Variants in VPS8 observed in about 807,000 individuals in gnomAD.
The protein encoded by VPS8 is VPS8 subunit of CORVET complex.
A neutral mutation model predicts 216.4 loss-of-function variants in VPS8; 129 were observed. The ratio of observed to expected loss-of-function variants is 0.60; its 90% CI spans 0.52 to 0.69. The LOEUF (loss-of-function observed/expected upper bound fraction) is 0.69. Among genes scored for constraint, VPS8 ranks in the 30% least tolerant of loss-of-function variants. The probability of loss-of-function intolerance (pLI) is 0.00; values close to 1 mark genes in which losing one functional copy is unlikely to be tolerated. For synonymous variants in VPS8, 571 were observed against 565.4 expected, an observed-to-expected ratio of 1.01 and a Z score of -0.14; for missense variants, 1,531 against 1,683.5, an observed-to-expected ratio of 0.91 and a Z score of 1.59.
intron 42 of VPS8, among the ~76,000 whole-genome samples, chr3:184,990,356 C>T (rs918125850): frequency 4.6e-5 from 7 of 152,158 alleles, no homozygotes; most frequent in Non-Finnish European, 8.8e-5. Context: ...ACCCCCGAGG[C>T]TGTGAGTTTT....
At chr3:184,823,327 T>A (rs1231201282) in intron 1 of VPS8, among the ~76,000 whole-genome samples, 1 of 152,286 alleles carries the variant, frequency 6.6e-6, no homozygotes, top group East Asian at 1.9e-4. Context: ...ACGTTGACAA[T>A]ATAGTGAGAC....
intron 21 of VPS8, among the ~76,000 whole-genome samples, chr3:184,873,603 C>T (rs1391987300): frequency 1.3e-5 from 2 of 152,254 alleles, no homozygotes; most frequent in Non-Finnish European, 2.9e-5. Flanking sequence ...TGAATTCAAG[C>T]AGTGGGCTTC....
At chr3:184,964,595 C>G (rs1380853310) in intron 38 of VPS8, 38 bp downstream of exon 38, 2 of 1,265,170 alleles carry the variant, frequency 1.6e-6, no homozygotes, top group East Asian at 5.4e-5. Context: ...ATATTTCTGT[C>G]TATTCCTCTA....
Position 184,832,883 on chromosome 3 carries a change from A to C in VPS8, c.353+64A>C. On this transcript the variant is annotated intron_variant, in intron 4 of 47. Transcript: ENST00000625842. ...GTATTCAATTGTTTCAAATGTAAAT[A>C]TTGTACTTTTTAAAGTACAATATGG... The C allele has an allele frequency of 1.9e-6, 3 of 1,542,998 alleles. No homozygotes were observed. In the South Asian group the frequency reaches 3.6e-5, roughly 18 times the overall value.
intron 45 of VPS8, among the ~76,000 whole-genome samples, chr3:185,004,890 T>G (rs1002294181): frequency 6.7e-5 from 10 of 149,020 alleles, no homozygotes; most frequent in South Asian, 2.2e-4. Flanking sequence ...ATTTATTTGG[T>G]TTTTTTTGTT....
chr3:185,041,265 A>G (rs1269107860), intron 46 of VPS8, among the ~76,000 whole-genome samples: 2 of 151,904 alleles, frequency 1.3e-5, no homozygotes, highest in African/African-American at 4.8e-5. Context: ...AGACTTAGCT[A>G]ACATCATTTA....
intron 1 of VPS8, among the ~76,000 whole-genome samples, chr3:184,818,814 A>G (rs1284282033): frequency 6.6e-6 from 1 of 152,202 alleles, no homozygotes; most frequent in Non-Finnish European, 1.5e-5. Flanking sequence ...AAAGAATGTC[A>G]GGATTAAACA....
intron 29 of VPS8, among the ~76,000 whole-genome samples, chr3:184,924,635 C>T (rs1370626678): frequency 5.9e-5 from 9 of 152,054 alleles, no homozygotes; most frequent in African/African-American, 1.7e-4. Context: ...AGGTCTCATC[C>T]GAATTGTGAT....
intron 36 of VPS8, among the ~76,000 whole-genome samples, chr3:184,952,721 A>G (rs1266133890): frequency 2.6e-5 from 4 of 152,350 alleles, no homozygotes; most frequent in African/African-American, 4.8e-5. Context: ...CACAATCCAA[A>G]TGGGCTGTTT....
At chr3:185,017,988 A>G (rs1431962187) in intron 45 of VPS8, among the ~76,000 whole-genome samples, 1 of 151,898 alleles carries the variant, frequency 6.6e-6, no homozygotes, top group Non-Finnish European at 1.5e-5. Context: ...TGACTTGCTG[A>G]TTTTTTCTAC....
intron 21 of VPS8, among the ~76,000 whole-genome samples, chr3:184,878,946 A>T (rs1439590392): frequency 6.6e-6 from 1 of 152,196 alleles, no homozygotes; most frequent in Non-Finnish European, 1.5e-5. Flanking sequence ...GCGTGTATAC[A>T]TATGTATGTA....
intron 42 of VPS8, among the ~76,000 whole-genome samples, chr3:184,987,258 C>T (rs1751240761): frequency 6.6e-6 from 1 of 152,134 alleles, no homozygotes; most frequent in African/African-American, 2.4e-5. Flanking sequence ...GGATTACAGG[C>T]ATACACCACC....
At chr3:184,916,824 A>G (rs998143302) in intron 28 of VPS8, among the ~76,000 whole-genome samples, 1 of 152,232 alleles carries the variant, frequency 6.6e-6, no homozygotes, top group Non-Finnish European at 1.5e-5. Flanking sequence ...TATTTCTTTA[A>G]GGGCTGTGGT....
At chr3:184,928,351 A>G in intron 31 of VPS8, 100 bp from the exon 32 acceptor site, 4 of 1,130,406 alleles carry the variant, frequency 3.5e-6, no homozygotes, top group Non-Finnish European at 4.8e-6. Flanking sequence ...CTAAGAATAC[A>G]AAAGAAAAAA....
chr3:184,904,052 G>C (rs940342150), intron 25 of VPS8, among the ~76,000 whole-genome samples: 1 of 152,028 alleles, frequency 6.6e-6, no homozygotes, highest in Non-Finnish European at 1.5e-5. Context: ...GGATTTGCTG[G>C]TGTGAAATAG....
intron 21 of VPS8, among the ~76,000 whole-genome samples, chr3:184,876,220 C>A (rs1019077238): frequency 6.6e-6 from 1 of 152,084 alleles, no homozygotes; most frequent in African/African-American, 2.4e-5. Flanking sequence ...TTTGTTTATT[C>A]TTCTTCCTTT....
Position 184,849,143 on chromosome 3 carries a change from T to G in VPS8, c.614T>G (p.Leu205Arg). 6.2e-7 allele frequency: 1 copy of G among 1,613,670 alleles called. No homozygotes were observed. The highest frequency in any genetic ancestry group is 8.5e-7 in the Non-Finnish European group (1 of 1,179,636). Reference sequence around the variant, plus strand: ...GGTCAGTATGGCGCTATCTCTGCCCTCAGTATCAACAATGATTGCTCAAGA... The same window carrying G: ...GGTCAGTATGGCGCTATCTCTGCCCGCAGTATCAACAATGATTGCTCAAGA... ...VGGQYGAISALSINNDCSRLL... is the reference protein window; with the variant it reads ...VGGQYGAISARSINNDCSRLL... The change falls in exon 9 of 48, where the codon CTC (leucine) becomes CGC (arginine). Residue 205 changes from leucine (L) to arginine (R), a missense_variant. Physicochemically the swap from Leu to Arg is moderately radical, Grantham distance 102 (BLOSUM62 -2). Coordinates refer to ENST00000625842, the MANE Select transcript of VPS8 (RefSeq NM_001009921.3).
intron 15 of VPS8, 118 bp downstream of exon 15, chr3:184,860,183 T>C (rs1340841312): frequency 2.0e-5 from 19 of 930,572 alleles, no homozygotes; most frequent in Non-Finnish European, 3.1e-5. Context: ...TCATATGAAA[T>C]ATGGACAGTC....
At chr3:184,864,691 A>G (rs886942341) in intron 16 of VPS8, among the ~76,000 whole-genome samples, 4 of 152,222 alleles carry the variant, frequency 2.6e-5, no homozygotes, top group Non-Finnish European at 4.4e-5. Flanking sequence ...TCTTAAAAGT[A>G]AGACCAGAAA....
Sources: gnomAD v4.1 joint callset for allele counts (sites outside exome capture counted in the v4.1 genomes callset) on GRCh38, gnomAD v4.1.1 for gene constraint, MANE v1.5 for transcripts, NCBI Gene and HGNC (gene_info 2026-07-23, HGNC 2026-07-21) for gene names.